The following LRP1B variants were observed in gnomAD, a reference collection of about 807,000 sequenced individuals.
LRP1B encodes low-density lipoprotein receptor-related protein 1B.
A neutral mutation model predicts 556.6 loss-of-function variants in LRP1B; 217 were observed. The ratio of observed to expected loss-of-function variants is 0.39; its 90% CI spans 0.35 to 0.44. The LOEUF (loss-of-function observed/expected upper bound fraction) is 0.44. LRP1B is among the 20% of genes least tolerant of loss of function. LRP1B has a pLI of 1.00. For synonymous variants in LRP1B, 2,047 were observed against 1,865.8 expected (o/e 1.10, Z -2.50); for missense variants, 5,053 against 5,620.8 (o/e 0.90, Z 3.23).
chr2:142,130,943 A>G lies in LRP1B; in HGVS notation c.-214T>C, dbSNP rs1707831441. The G allele has an allele frequency of 1.7e-6, 1 of 603,214 alleles. No individual in the cohort carries two copies. Among genetic ancestry groups the G allele is most frequent in the Non-Finnish European group, 3.0e-6 (1 of 335,558 alleles). 37.4% of individuals were successfully genotyped at this position (603,214 alleles called of 1,614,324 possible). A position where few individuals can be genotyped will look rare whatever the true frequency, so the allele number is the denominator to read the frequency against. On this transcript the variant is annotated 5_prime_UTR_variant, in exon 1 of 91. Coordinates refer to ENST00000389484, the MANE Select transcript of LRP1B (RefSeq NM_018557.3). ...AGGTGGAGGGATGCGCGCGTGCGGG[A>G]GAGAGGAGGCAGAGCGTGTGTGAGC... is the stretch of plus-strand genomic sequence containing the variant.
chr2:140,427,896 G>C (rs1685733322), intron 66 of LRP1B, among the ~76,000 whole-genome samples: 1 of 152,030 alleles, frequency 6.6e-6, no homozygotes, highest in Non-Finnish European at 1.5e-5. Context: ...ACGGGGTCCG[G>C]CTTACAGTTT....
rs369920158 is a variant in LRP1B at position 140,886,161 on chromosome 2, C to A, written c.3941G>T (p.Arg1314Leu). ...WTDVVEDRIY[R>L]GKLSESGGVS... ...ACCTCCACTTTCAGAAAGCTTTCCCCGGTATATTCTGTCTTCTACAACATC... is the reference window on the plus strand; with the variant it reads ...ACCTCCACTTTCAGAAAGCTTTCCCAGGTATATTCTGTCTTCTACAACATC... Residue 1314 changes from arginine (R) to leucine (L), a missense_variant, in exon 24 of 91, where the codon CGG becomes CTG. Arg to Leu is a moderately radical substitution (Grantham distance 102). Transcript: ENST00000389484. 1 of 1,598,814 alleles carries A rather than the reference C, an allele frequency of 6.3e-7. No individual in the cohort carries two copies. The highest frequency in any genetic ancestry group is 1.3e-5 in the African/African-American group (1 of 74,602).
rs1344055161 is a variant in LRP1B, at chr2:140,411,359, T to C, written c.10415-25350A>G. Reference sequence around the variant, plus strand: ...TCTCTGCTCTTAAATATTGAAACTATCTTGAGTGCTAAATGATCATTAAGA... The same window carrying C: ...TCTCTGCTCTTAAATATTGAAACTACCTTGAGTGCTAAATGATCATTAAGA... On this transcript the variant is annotated intron_variant, in intron 66 of 90. Coordinates refer to ENST00000389484, the MANE Select transcript of LRP1B (RefSeq NM_018557.3). Among the ~76,000 whole-genome samples, 5 of 152,274 alleles carry C rather than the reference T, an allele frequency of 3.3e-5. No individual in the cohort carries two copies. In the South Asian group the frequency reaches 8.3e-4, roughly 25 times the overall value.
chr2:142,008,999 G>A (rs1464076443), intron 1 of LRP1B, among the ~76,000 whole-genome samples: 2 of 152,006 alleles, frequency 1.3e-5, no homozygotes, highest in African/African-American at 2.4e-5. Context: ...ACCATGCACT[G>A]AAGGATTAAG....
chr2:141,790,744 A>T (rs1462212984), intron 2 of LRP1B, among the ~76,000 whole-genome samples: 1 of 151,950 alleles, frequency 6.6e-6, no homozygotes, highest in Admixed American at 6.6e-5. Flanking sequence ...TTGTATAGAA[A>T]AATGATTCTA....
At chr2:141,415,286 T>G (rs1691052541) in intron 3 of LRP1B, among the ~76,000 whole-genome samples, 1 of 152,226 alleles carries the variant, frequency 6.6e-6, no homozygotes, top group Admixed American at 6.5e-5. Flanking sequence ...GTGCTGGGAT[T>G]ACAGGCGTGA....
rs1684169931 is a variant in LRP1B at position 141,249,091 on chromosome 2, C to A, written c.464-1737G>T. ...TGTTAAATTTGAGGTGTCTGTAGGG[C>A]AGCCTTGAGTAAATGTGTAATGATA... On this transcript the variant is annotated intron_variant, in intron 4 of 90. Coordinates refer to ENST00000389484, the MANE Select transcript of LRP1B (RefSeq NM_018557.3). Among the ~76,000 whole-genome samples the A allele has an allele frequency of 2.0e-5, 3 of 152,050 alleles. No homozygotes were observed. The South Asian group carries it at 6.2e-4, about 32-fold the overall frequency.
chr2:142,056,638 T>C (rs1343977573), intron 1 of LRP1B, among the ~76,000 whole-genome samples: 4 of 152,140 alleles, frequency 2.6e-5, no homozygotes, highest in Non-Finnish European at 4.4e-5. Flanking sequence ...AAACATCCTT[T>C]CTATAAATAT....
At chr2:140,722,408 T>G (rs1255400627) in intron 35 of LRP1B, among the ~76,000 whole-genome samples, 2 of 152,222 alleles carry the variant, frequency 1.3e-5, no homozygotes. Context: ...TTTATTTTAA[T>G]GCATTAATTA....
At chr2:141,600,635 A>G (rs1687694861) in intron 2 of LRP1B, among the ~76,000 whole-genome samples, 1 of 152,150 alleles carries the variant, frequency 6.6e-6, no homozygotes, top group African/African-American at 2.4e-5. Flanking sequence ...AGGAAAAGTC[A>G]ATGTCTGCTA....
intron 25 of LRP1B, among the ~76,000 whole-genome samples, chr2:140,875,108 A>T (rs1244140290): frequency 1.3e-5 from 2 of 152,104 alleles, no homozygotes; most frequent in Non-Finnish European, 2.9e-5. Flanking sequence ...GGAGAAGATG[A>T]CAATAAAAAT....
chr2:142,065,143 T>A (rs1705064134), intron 1 of LRP1B, among the ~76,000 whole-genome samples: 1 of 151,536 alleles, frequency 6.6e-6, no homozygotes, highest in South Asian at 2.1e-4. Flanking sequence ...TTTAAGCCGG[T>A]CATTGTATAA....
rs566840739 is a variant in LRP1B, at chr2:140,722,423, A to C, written c.5759-5607T>G. On this transcript the variant is annotated intron_variant, in intron 35 of 90. Coordinates refer to ENST00000389484, the MANE Select transcript of LRP1B (RefSeq NM_018557.3). ...TTTATTTTAATGCATTAATTATCTCAATGCTCTCCTAATTAAGAATCTAGA... is the reference window on the plus strand; with the variant it reads ...TTTATTTTAATGCATTAATTATCTCCATGCTCTCCTAATTAAGAATCTAGA... 6.6e-5 allele frequency among the ~76,000 whole-genome samples: 10 copies of C among 152,314 alleles called. No homozygotes were observed. The East Asian group carries it at 1.9e-3, about 29-fold the overall frequency.
intron 3 of LRP1B, among the ~76,000 whole-genome samples, chr2:141,436,031 G>T (rs186869510): frequency 1.6e-4 from 25 of 152,258 alleles, no homozygotes; most frequent in Admixed American, 3.9e-4. Context: ...GGAAAATAGT[G>T]TCTAAGAATT....
Position 140,769,199 on chromosome 2 carries a change from A to G in LRP1B, c.5758+14T>C, listed in dbSNP as rs774139548. On this transcript the variant is annotated intron_variant, in intron 35 of 90. Transcript: ENST00000389484. Reference sequence around the variant, plus strand: ...AATATATTATGCATAAATTATGACTAAAAAGCTATTTACCTGCATGGAAAT... The same window carrying G: ...AATATATTATGCATAAATTATGACTGAAAAGCTATTTACCTGCATGGAAAT... 1 of 1,609,032 alleles carries G rather than the reference A, an allele frequency of 6.2e-7. No individual in the cohort carries two copies. The highest frequency in any genetic ancestry group is 1.7e-5 in the Admixed American group (1 of 59,798).
chr2:140,605,667 TCCTC>T (rs1192725499), intron 41 of LRP1B, among the ~76,000 whole-genome samples: 3 of 151,666 alleles, frequency 2.0e-5, no homozygotes, highest in Admixed American at 6.6e-5. Flanking sequence ...TCCGTTTCTT[TCCTC>T]CCTCCCTCCC....
Position 140,406,763 on chromosome 2 carries a change from C to G in LRP1B, c.10415-20754G>C, listed in dbSNP as rs556133455. On this transcript the variant is annotated intron_variant, in intron 66 of 90. Coordinates refer to ENST00000389484, the MANE Select transcript of LRP1B (RefSeq NM_018557.3). The stretch of plus-strand genomic sequence containing the variant: ...AATGAATGTTGTGAAAATGAACATA[C>G]TCTCCAAAGCAATCTATAGATTTAA... Among the ~76,000 whole-genome samples, 5 of 152,196 alleles carry G rather than the reference C, an allele frequency of 3.3e-5. No individual in the cohort carries two copies. In the South Asian group the frequency reaches 1.0e-3, roughly 32 times the overall value.
At chr2:141,378,008 T>C (rs569328046) in intron 3 of LRP1B, among the ~76,000 whole-genome samples, 4 of 152,350 alleles carry the variant, frequency 2.6e-5, no homozygotes, top group Non-Finnish European at 5.9e-5. Flanking sequence ...TTTGTTTAGC[T>C]AATAATGAAC....
At chr2:140,760,611 C>T (rs1044724947) in intron 35 of LRP1B, among the ~76,000 whole-genome samples, 64 of 152,242 alleles carry the variant, frequency 4.2e-4, no homozygotes, top group Admixed American at 2.3e-3. Flanking sequence ...CCTGGCTGGG[C>T]GCAGTGGCTC....
Sources: gnomAD v4.1 joint callset for allele counts (sites outside exome capture counted in the v4.1 genomes callset) on GRCh38, gnomAD v4.1.1 for gene constraint, MANE v1.5 for transcripts, NCBI Gene and HGNC (gene_info 2026-07-23, HGNC 2026-07-21) for gene names.